PCCA: variants seen among roughly 807,000 people sequenced by gnomAD.
PCCA encodes propionyl-CoA carboxylase alpha chain, mitochondrial.
In PCCA, 74 loss-of-function variants were observed where a neutral mutation model predicts 101.3. That is an observed-to-expected ratio of 0.73 (90% CI 0.61 to 0.89). The LOEUF is 0.89. PCCA is among the 40% of genes least tolerant of loss of function. The probability of loss-of-function intolerance (pLI) is 0.00; values close to 1 mark genes in which losing one functional copy is unlikely to be tolerated. For missense variants in PCCA, 891 were observed against 907.0 expected (o/e 0.98, Z 0.23); for synonymous variants, 294 against 313.6 (o/e 0.94, Z 0.66).
chr13:100,358,493 C>A (rs1361512263), intron 18 of PCCA, among the ~76,000 whole-genome samples: 1 of 152,120 alleles, frequency 6.6e-6, no homozygotes, highest in African/African-American at 2.4e-5. Flanking sequence ...TGGGAACTAT[C>A]AGCATAGAAA....
chr13:100,117,432 ATT>A lies in PCCA; in HGVS notation c.300+5384_300+5385del, dbSNP rs36122017. 1.8e-3 allele frequency among the ~76,000 whole-genome samples: 256 copies of A among 145,484 alleles called. 1 individual carries two copies. Among genetic ancestry groups the A allele is most frequent in the South Asian group, 5.5e-3 (25 of 4,580 alleles). The stretch of plus-strand genomic sequence containing the variant: ...ATCCATATGTACATTGTGTGTGTGC[ATT>A]TTTTTTTTTTTTGGCTAAACAATTT... On this transcript the variant is annotated intron_variant, in intron 4 of 23. Transcript: ENST00000376285.
intron 12 of PCCA, among the ~76,000 whole-genome samples, chr13:100,287,168 T>C (rs112889851): frequency 1.3e-5 from 2 of 152,270 alleles, no homozygotes; most frequent in African/African-American, 2.4e-5. Flanking sequence ...GCAGACCTAT[T>C]ACTTCACTCT....
intron 19 of PCCA, among the ~76,000 whole-genome samples, chr13:100,404,206 A>G (rs1430687876): frequency 6.6e-6 from 1 of 152,180 alleles, no homozygotes. Flanking sequence ...ACGGGTAAAG[A>G]TAGCTAAAAA....
chr13:100,112,156 A>G (rs2048376449), intron 4 of PCCA, 95 bp downstream of exon 4: 1 of 844,548 alleles, frequency 1.2e-6, no homozygotes, highest in Admixed American at 2.1e-5. Flanking sequence ...CCTGCACAAG[A>G]TACATTCAAG....
chr13:100,307,811 A>C (rs955248681), intron 15 of PCCA, among the ~76,000 whole-genome samples: 2 of 152,232 alleles, frequency 1.3e-5, no homozygotes, highest in Non-Finnish European at 2.9e-5. Flanking sequence ...TTAAAACCGT[A>C]TAAAGTGTAA....
At chr13:100,197,822 C>T (rs1240475226) in intron 6 of PCCA, among the ~76,000 whole-genome samples, 1 of 152,130 alleles carries the variant, frequency 6.6e-6, no homozygotes. Context: ...GAGAAGGGGC[C>T]ATTCTTCTTT....
At chr13:100,360,765 C>T (rs1240697241) in intron 18 of PCCA, among the ~76,000 whole-genome samples, 1 of 152,156 alleles carries the variant, frequency 6.6e-6, no homozygotes, top group Non-Finnish European at 1.5e-5. Context: ...GTTTCTTACA[C>T]AGCATAACCT....
intron 22 of PCCA, chr13:100,527,474 G>A (rs1054529811): frequency 7.7e-5 from 46 of 597,574 alleles, no homozygotes; most frequent in Non-Finnish European, 1.4e-4. Context: ...TTTTTCCAAC[G>A]AGGACTTTAT....
At chr13:100,529,972 G>T (rs1203549762) in intron 23 of PCCA, 126 bp from the exon 24 acceptor site, 4 of 760,862 alleles carry the variant, frequency 5.3e-6, no homozygotes, top group Admixed American at 4.0e-5. Flanking sequence ...GGGTGGGGTG[G>T]CTTGTCCCTG....
At chr13:100,376,118 C>G (rs1335182133) in intron 19 of PCCA, among the ~76,000 whole-genome samples, 1 of 152,190 alleles carries the variant, frequency 6.6e-6, no homozygotes, top group East Asian at 1.9e-4. Flanking sequence ...TGCTGTAGGT[C>G]TGCTGGAGTT....
chr13:100,488,761 G>T (rs756787559), intron 21 of PCCA, among the ~76,000 whole-genome samples: 1 of 151,676 alleles, frequency 6.6e-6, no homozygotes. Context: ...AGCTAGGATC[G>T]CATCACTGCA....
At chr13:100,336,322 A>G (rs2070446107) in intron 17 of PCCA, among the ~76,000 whole-genome samples, 1 of 152,172 alleles carries the variant, frequency 6.6e-6, no homozygotes, top group African/African-American at 2.4e-5. Flanking sequence ...TGTAATGGGA[A>G]CCAGCGCGTA....
chr13:100,126,043 T>TG (rs1324949024), intron 4 of PCCA, among the ~76,000 whole-genome samples: 1 of 152,190 alleles, frequency 6.6e-6, no homozygotes. Context: ...GTGTACGAAT[T>TG]GGACAGGCAA....
At chr13:100,477,132 G>A (rs992702067) in intron 21 of PCCA, among the ~76,000 whole-genome samples, 4 of 152,138 alleles carry the variant, frequency 2.6e-5, no homozygotes, top group Non-Finnish European at 4.4e-5. Flanking sequence ...CTATTTGCTT[G>A]GCCTCATTTA....
chr13:100,204,379 G>C (rs916735939), intron 6 of PCCA, among the ~76,000 whole-genome samples: 9 of 152,124 alleles, frequency 5.9e-5, no homozygotes, highest in Non-Finnish European at 1.3e-4. Context: ...AGCTCGTGCA[G>C]CTCACCTGCC....
chr13:100,312,415 AGGATTTT>A (rs1280029830), intron 16 of PCCA, among the ~76,000 whole-genome samples: 3 of 152,224 alleles, frequency 2.0e-5, no homozygotes, highest in African/African-American at 7.2e-5. Flanking sequence ...TCAGAGTGGC[AGGATTTT>A]TAAAAAGACT....
rs558143614 is a variant in PCCA at position 100,369,765 on chromosome 13, C to G, written c.1746+1191C>G. Among the ~76,000 whole-genome samples the G allele has an allele frequency of 2.0e-5, 3 of 152,284 alleles. No homozygotes were observed. The East Asian group carries it at 5.8e-4, about 29-fold the overall frequency. On this transcript the variant is annotated intron_variant, in intron 19 of 23. Transcript: ENST00000376285. ...GTCTCATGAGATCTTGTGTGACTCT[C>G]TACATTCCACCTATTGACATGGTCA...
intron 19 of PCCA, among the ~76,000 whole-genome samples, chr13:100,402,379 T>A (rs1299852460): frequency 6.6e-6 from 1 of 152,162 alleles, no homozygotes; most frequent in African/African-American, 2.4e-5. Context: ...AGTTTTTATA[T>A]TTTAGTTTAA....
At chr13:100,344,705 T>C (rs982826091) in intron 18 of PCCA, among the ~76,000 whole-genome samples, 6 of 152,220 alleles carry the variant, frequency 3.9e-5, no homozygotes, top group Non-Finnish European at 7.3e-5. Flanking sequence ...GAGACTGTCA[T>C]ACAGGCACAC....
Sources: gnomAD v4.1 joint callset for allele counts (sites outside exome capture counted in the v4.1 genomes callset) on GRCh38, gnomAD v4.1.1 for gene constraint, MANE v1.5 for transcripts, NCBI Gene and HGNC (gene_info 2026-07-23, HGNC 2026-07-21) for gene names.